The following TNIK variants were observed in gnomAD, a reference collection of about 807,000 sequenced individuals.
TNIK encodes the protein TRAF2 and NCK-interacting protein kinase.
In TNIK, 49 loss-of-function variants were observed where a neutral mutation model predicts 191.3. That is an observed-to-expected ratio of 0.26 (90% confidence interval 0.20 to 0.32). The LOEUF (loss-of-function observed/expected upper bound fraction) is 0.32, where lower values mean the gene tolerates loss of function less well. Among genes scored for constraint, TNIK ranks in the 10% least tolerant of loss-of-function variants. The probability of loss-of-function intolerance (pLI) is 1.00; values close to 1 mark genes in which losing one functional copy is unlikely to be tolerated. For synonymous variants in TNIK, 594 were observed against 600.9 expected (o/e 0.99, Z 0.17); for missense variants, 1,155 against 1,702.3 (o/e 0.68, Z 5.66).
intron 23 of TNIK, among the ~76,000 whole-genome samples, chr3:171,091,954 C>A (rs1191970792): frequency 3.5e-5 from 5 of 144,294 alleles, no homozygotes; most frequent in Non-Finnish European, 7.6e-5. Context: ...TTCTTTCTTT[C>A]TTTTTTTTTT....
At chr3:171,183,602 G>A (rs1013484385) in intron 7 of TNIK, among the ~76,000 whole-genome samples, 5 of 152,120 alleles carry the variant, frequency 3.3e-5, no homozygotes, top group Admixed American at 6.6e-5. Flanking sequence ...AGGTTGAACC[G>A]TATGAAACTG....
intron 2 of TNIK, among the ~76,000 whole-genome samples, chr3:171,339,775 C>G (rs923956516): frequency 1.3e-5 from 2 of 152,196 alleles, no homozygotes; most frequent in East Asian, 1.9e-4. Context: ...CGGTCTGTTG[C>G]TGTAATTTTC....
intron 2 of TNIK, among the ~76,000 whole-genome samples, chr3:171,282,341 G>GA (rs1750543433): frequency 1.3e-5 from 1 of 79,966 alleles, no homozygotes; most frequent in Non-Finnish European, 2.6e-5. Context: ...ATGGTTTTTT[G>GA]TTTTTTTTTT....
intron 12 of TNIK, among the ~76,000 whole-genome samples, chr3:171,141,671 C>A (rs1440227117): frequency 2.6e-5 from 4 of 152,260 alleles, no homozygotes; most frequent in Non-Finnish European, 5.9e-5. Flanking sequence ...CTGTGCAAGG[C>A]ACAGGATTGT....
chr3:171,274,589 CAGAT>C (rs1749499080), intron 2 of TNIK, among the ~76,000 whole-genome samples: 1 of 152,140 alleles, frequency 6.6e-6, no homozygotes, highest in Non-Finnish European at 1.5e-5. Context: ...AAGTAATTCT[CAGAT>C]AGATGAAGGT....
At chr3:171,258,530 C>A (rs561505055) in intron 2 of TNIK, among the ~76,000 whole-genome samples, 9 of 152,190 alleles carry the variant, frequency 5.9e-5, no homozygotes, top group Non-Finnish European at 1.2e-4. Flanking sequence ...GCTCTCCTCA[C>A]AACTGCCTGT....
At chr3:171,398,355 A>T (rs1491662) in intron 1 of TNIK, among the ~76,000 whole-genome samples, 2,212 of 152,318 alleles carry the variant, frequency 0.015, 58 homozygotes, top group African/African-American at 0.049. Context: ...TTTAGGGGGA[A>T]AAATACATGT....
intron 6 of TNIK, among the ~76,000 whole-genome samples, chr3:171,189,193 G>A (rs1737725489): frequency 6.6e-6 from 1 of 152,086 alleles, no homozygotes; most frequent in Admixed American, 6.5e-5. Flanking sequence ...TTTTGTGACT[G>A]GCTTATTTCA....
At chr3:171,357,174 T>C (rs1714209635) in intron 2 of TNIK, among the ~76,000 whole-genome samples, 1 of 152,238 alleles carries the variant, frequency 6.6e-6, no homozygotes, top group South Asian at 2.1e-4. Flanking sequence ...CAAACTGCTG[T>C]TGGCTACTAA....
intron 2 of TNIK, among the ~76,000 whole-genome samples, chr3:171,363,833 C>T (rs970965554): frequency 6.6e-6 from 1 of 152,150 alleles, no homozygotes; most frequent in Non-Finnish European, 1.5e-5. Flanking sequence ...TTAAATTATT[C>T]AGCTTTAAAC....
Position 171,331,843 on chromosome 3 carries a change from C to A in TNIK, c.123+37777G>T, listed in dbSNP as rs56128418. Reference sequence around the variant, plus strand: ...CTTTGAACGCCTCTTTTACAATATACCTAAATGACTATGAAAAGCTATCTC... The same window carrying A: ...CTTTGAACGCCTCTTTTACAATATAACTAAATGACTATGAAAAGCTATCTC... On this transcript the variant is annotated intron_variant, in intron 2 of 32. Coordinates refer to ENST00000436636, the MANE Select transcript of TNIK (RefSeq NM_015028.4). 8.2e-3 allele frequency among the ~76,000 whole-genome samples: 1,249 copies of A among 152,102 alleles called. 20 individuals carry two copies. The highest frequency in any genetic ancestry group is 0.029 in the African/African-American group (1,189 of 41,482).
intron 2 of TNIK, among the ~76,000 whole-genome samples, chr3:171,310,289 T>G (rs1343112502): frequency 1.3e-5 from 2 of 152,114 alleles, no homozygotes; most frequent in East Asian, 1.9e-4. Flanking sequence ...ATACTGAATC[T>G]AATGCAGCCT....
At chr3:171,411,859 G>T (rs1722472790) in intron 1 of TNIK, among the ~76,000 whole-genome samples, 1 of 152,182 alleles carries the variant, frequency 6.6e-6, no homozygotes, top group African/African-American at 2.4e-5. Flanking sequence ...TATCTCTGGT[G>T]TTCTAGGCCC....
chr3:171,313,854 ATGATC>A lies in TNIK; in HGVS notation c.123+55761_123+55765del, dbSNP rs1754318021. 2.0e-5 allele frequency among the ~76,000 whole-genome samples: 3 copies of A among 152,140 alleles called. No individual in the cohort carries two copies. The South Asian group carries it at 6.2e-4, about 32-fold the overall frequency. Reference sequence around the variant, plus strand: ...ACATCTTTCCTCTTTGTTTTGTGCCATGATCTGAGTGCCTTGAGAACTAGCTTTCA... The same window carrying A: ...ACATCTTTCCTCTTTGTTTTGTGCCATGAGTGCCTTGAGAACTAGCTTTCA... On this transcript the variant is annotated intron_variant, in intron 2 of 32. Coordinates refer to ENST00000436636, the MANE Select transcript of TNIK (RefSeq NM_015028.4).
At chr3:171,223,884 T>C (rs1407176925) in intron 3 of TNIK, among the ~76,000 whole-genome samples, 1 of 152,144 alleles carries the variant, frequency 6.6e-6, no homozygotes, top group Non-Finnish European at 1.5e-5. Flanking sequence ...TTCTCCTGTT[T>C]TTGCCCACCC....
intron 12 of TNIK, among the ~76,000 whole-genome samples, chr3:171,154,190 T>C (rs764461426): frequency 6.6e-6 from 1 of 151,648 alleles, no homozygotes. Flanking sequence ...ATTTTTAGGC[T>C]GCCAGGTTCT....
At chr3:171,120,324 T>TTTC (rs11464713) in intron 18 of TNIK, among the ~76,000 whole-genome samples, 3 of 103,406 alleles carry the variant, frequency 2.9e-5, no homozygotes, top group African/African-American at 1.9e-4. Context: ...TTTTTCTTTC[T>TTTC]TTTTTTTTTT....
intron 2 of TNIK, among the ~76,000 whole-genome samples, chr3:171,275,416 A>T (rs1041030790): frequency 1.3e-5 from 2 of 151,230 alleles, no homozygotes; most frequent in Non-Finnish European, 2.9e-5. Context: ...GAATTTCAAA[A>T]ATTTAAAAGA....
intron 4 of TNIK, among the ~76,000 whole-genome samples, chr3:171,210,462 T>G (rs533645825): frequency 6.6e-6 from 1 of 152,300 alleles, no homozygotes; most frequent in East Asian, 1.9e-4. Context: ...GAGCTGCCTC[T>G]TAGACTGTCA....
Sources: allele counts gnomAD v4.1 joint callset (sites outside exome capture counted in the v4.1 genomes callset), GRCh38; gene constraint gnomAD v4.1.1; transcripts MANE v1.5; gene names NCBI Gene and HGNC (gene_info 2026-07-23, HGNC 2026-07-21).